Variants in C1QTNF5 observed in about 807,000 individuals in gnomAD.
The protein encoded by C1QTNF5 is complement C1q tumor necrosis factor-related protein 5.
Under a neutral mutation model 10.9 loss-of-function variants are expected in C1QTNF5, and 5 were observed. That is an observed-to-expected ratio of 0.46 (90% CI 0.24 to 0.97). C1QTNF5 has a LOEUF of 0.97. C1QTNF5 is among the 50% of genes least tolerant of loss of function. The pLI, the probability that C1QTNF5 is intolerant of heterozygous loss-of-function variation, is 0.19. For missense variants in C1QTNF5, 281 were observed against 339.4 expected (o/e 0.83, Z 1.35); for synonymous variants, 161 against 156.5 (o/e 1.03, Z -0.22).
chr11:119,342,117 C>T, upstream of C1QTNF5: 1 of 1,081,552 alleles, frequency 9.2e-7, no homozygotes, highest in South Asian at 1.4e-5. Context: ...AAGAGGATAA[C>T]AAAGAGACAG....
At chr11:119,345,831 C>A, upstream of C1QTNF5, 1 of 1,613,928 alleles carries the variant, frequency 6.2e-7, no homozygotes, top group South Asian at 1.1e-5. Flanking sequence ...TCCCAGCTGC[C>A]TGAGAGGTGG....
Position 119,339,988 on chromosome 11 carries a change from A to C in C1QTNF5, c.215-140T>G. The C allele has an allele frequency of 1.5e-6, 2 of 1,299,376 alleles. No homozygotes were observed. Among genetic ancestry groups the C allele is most frequent in the South Asian group, 1.6e-5 (1 of 62,118 alleles). The allele number at this position is 1,299,376 out of a possible 1,614,324, so 80.5% of individuals were successfully genotyped here. A position where few individuals can be genotyped will look rare whatever the true frequency, so the allele number is the denominator to read the frequency against. On this transcript the variant is annotated intron_variant, in intron 2 of 2. Transcript: ENST00000528368. This position sits in a 1 kb window ranked among gnomAD's most constrained non-coding sequence, Gnocchi z 5.4. ...CTCCTCCCGCACGGGTACCTCCTCC[A>C]CCCCTTCCCGCAGGGCAGATCTGGG...
At chr11:119,346,255 C>T in the C1QTNF5 span, 1 of 1,598,918 alleles carries the variant, frequency 6.3e-7, no homozygotes, top group Non-Finnish European at 8.5e-7. Flanking sequence ...CCCCAGGTCA[C>T]CCCCTGGGAT....
At chr11:119,342,796 G>A (rs1950516238), upstream of C1QTNF5, 7 of 1,612,890 alleles carry the variant, frequency 4.3e-6, no homozygotes, top group Admixed American at 1.2e-4. Flanking sequence ...AGAGTGTCCT[G>A]ACCAGGGTCC....
At chr11:119,343,926 G>T (rs145319149), upstream of C1QTNF5, 2,287 of 1,613,508 alleles carry the variant, frequency 1.4e-3, 2 homozygotes, top group Non-Finnish European at 1.7e-3. Flanking sequence ...GTAGTTCTAT[G>T]CTGTGTCCGG....
At chr11:119,344,974 G>C (rs1565295079), upstream of C1QTNF5, 4 of 1,608,020 alleles carry the variant, frequency 2.5e-6, no homozygotes, top group Non-Finnish European at 3.4e-6. Context: ...CATTGGTGTT[G>C]AGCGTGGGGG....
At chr11:119,340,027 G>A (rs1180002645) in intron 2 of C1QTNF5, among the ~76,000 whole-genome samples, 157 bp downstream of exon 2, 1 of 152,166 alleles carries the variant, frequency 6.6e-6, no homozygotes, top group Non-Finnish European at 1.5e-5. Context: ...CTGGCCAAGG[G>A]GGCTCCCGCC....
chr11:119,340,036 C>T, intron 2 of C1QTNF5, 148 bp downstream of exon 2: 1 of 1,252,512 alleles, frequency 8.0e-7, no homozygotes, highest in Non-Finnish European at 1.0e-6. Context: ...GGGGCTCCCG[C>T]CGCCTGGGCC....
At position 119,339,377 on chromosome 11, in the gene C1QTNF5, C is replaced by G. The variant is rs753740836; in HGVS notation, c.686G>C (p.Gly229Ala). Residue 229 changes from glycine (G) to alanine (A), a missense_variant, in exon 3 of 3, where the codon GGA becomes GCA. Gly to Ala is a moderately conservative substitution (Grantham distance 60). Coordinates refer to ENST00000528368, the MANE Select transcript of C1QTNF5 (RefSeq NM_001278431.2). This position sits in a 1 kb window ranked among gnomAD's most constrained non-coding sequence, Gnocchi z 5.4. ...GTGCCAGTCGGAGTACACCAGAAAT[C>G]CGGAGAAGGTGCTGTCTGTCTTGAT... is the stretch of plus-strand genomic sequence containing the variant. Reference protein sequence around the residue: ...ASIKTDSTFSGFLVYSDWHSS... With the variant: ...ASIKTDSTFSAFLVYSDWHSS... 6 of 1,612,914 alleles carry G rather than the reference C, an allele frequency of 3.7e-6. No individual in the cohort carries two copies. Among genetic ancestry groups the G allele is most frequent in the Non-Finnish European group, 5.1e-6 (6 of 1,179,222 alleles).
At chr11:119,346,573 C>T in the C1QTNF5 span, 1 of 1,566,498 alleles carries the variant, frequency 6.4e-7, no homozygotes, top group Non-Finnish European at 8.8e-7. Context: ...CCCCAAGGGC[C>T]CACTCGCTGA....
Position 119,340,357 on chromosome 11 carries a change from G to T in C1QTNF5, c.41C>A (p.Ala14Asp). ...LLVLLLLGLAAGSPPLDDNKI... is the reference protein window; with the variant it reads ...LLVLLLLGLADGSPPLDDNKI... ...GTTGTCGTCCAGTGGGGGCGAGCCG[G>T]CCGCCAGGCCCAGGAGCAGCAGGAC... Residue 14 changes from alanine to aspartate, a missense_variant, in exon 2 of 3, where the codon GCC (alanine) becomes GAC (aspartate). Physicochemically the swap from Ala to Asp is moderately radical, Grantham distance 126 (BLOSUM62 -2). Transcript: ENST00000528368. 1 of 1,543,824 alleles carries T rather than the reference G, an allele frequency of 6.5e-7. No individual in the cohort carries two copies. The highest frequency in any genetic ancestry group is 8.7e-7 in the Non-Finnish European group (1 of 1,145,418).
In C1QTNF5 at chr11:119,340,325, G is replaced by A. The variant is rs1457730505; in HGVS notation, c.73C>T (p.Pro25Ser). 2.6e-6 allele frequency: 4 copies of A among 1,542,830 alleles called. No homozygotes were observed. Among genetic ancestry groups the A allele is most frequent in the African/African-American group, 2.8e-5 (2 of 71,998 alleles). ...GSPPLDDNKI[P>S]SLCPGHPGLP... ...CCGGGGTGCCCCGGGCAGAGGCTGG[G>A]GATCTTGTTGTCGTCCAGTGGGGGC... The change falls in exon 2 of 3, where the codon CCC (proline) becomes TCC (serine). Residue 25 changes from proline (P) to serine (S), a missense_variant. Transcript: ENST00000528368.
At chr11:119,343,971 G>A (rs1292048337), upstream of C1QTNF5, 3 of 1,611,872 alleles carry the variant, frequency 1.9e-6, no homozygotes, top group South Asian at 2.2e-5. Context: ...AGAGCTGGGG[G>A]AGGGCATAGG....
upstream of C1QTNF5, chr11:119,343,095 C>G: frequency 6.7e-7 from 1 of 1,489,990 alleles, no homozygotes; most frequent in Non-Finnish European, 9.1e-7. Context: ...AGCTGGGAGC[C>G]CTGGATGATG....
chr11:119,340,109 C>G (rs1490903918), intron 2 of C1QTNF5, 75 bp downstream of exon 2: 14 of 1,450,678 alleles, frequency 9.7e-6, no homozygotes. Context: ...ACCCGAGTCC[C>G]GGACACCGGG....
At chr11:119,344,598 G>A (rs368293308), upstream of C1QTNF5, 118 of 1,613,502 alleles carry the variant, frequency 7.3e-5, no homozygotes, top group Admixed American at 4.0e-4. Context: ...CAGATCAGAC[G>A]CCTGAAGAGA....
upstream of C1QTNF5, chr11:119,345,599 G>T: frequency 6.2e-7 from 1 of 1,613,796 alleles, no homozygotes; most frequent in Non-Finnish European, 8.5e-7. Context: ...GGCTGCTGAA[G>T]AAGCCCCTTG....
At chr11:119,343,626 G>A (rs1034461020), upstream of C1QTNF5, among the ~76,000 whole-genome samples, 7 of 152,212 alleles carry the variant, frequency 4.6e-5, no homozygotes, top group Non-Finnish European at 8.8e-5. Context: ...GGACCTCCTG[G>A]GGACAGGGAG....
At chr11:119,343,693 C>T (rs992892799), upstream of C1QTNF5, 4 of 1,248,868 alleles carry the variant, frequency 3.2e-6, no homozygotes, top group African/African-American at 1.5e-5. Flanking sequence ...GTGAAGAGAC[C>T]CCCGGCCTGG....
Sources: gnomAD v4.1 joint callset for allele counts (sites outside exome capture counted in the v4.1 genomes callset) on GRCh38, gnomAD v4.1.1 for gene constraint, Gnocchi (gnomAD v3.1) non-coding constraint, MANE v1.5 for transcripts, NCBI Gene and HGNC (gene_info 2026-07-23, HGNC 2026-07-21) for gene names.